XKR4: variants seen among roughly 807,000 people sequenced by gnomAD.
The protein encoded by XKR4 is XK related 4.
In XKR4, 12 loss-of-function variants were observed where a neutral mutation model predicts 53.9. The observed-to-expected ratio is 0.22, with a 90% CI of 0.14 to 0.36. The LOEUF is 0.36. Ranked by LOEUF, XKR4 falls within the 10% of genes least tolerant of loss-of-function variation. XKR4 has a pLI of 1.00. For missense variants in XKR4, 799 were observed against 859.5 expected, an observed-to-expected ratio of 0.93 and a Z score of 0.88; for synonymous variants, 354 against 362.4, an observed-to-expected ratio of 0.98 and a Z score of 0.26.
At chr8:55,147,214 G>A (rs1283408534) in intron 1 of XKR4, among the ~76,000 whole-genome samples, 1 of 152,084 alleles carries the variant, frequency 6.6e-6, no homozygotes, top group Admixed American at 6.5e-5. Context: ...CATGTGCTGT[G>A]ACTCAAACAA....
rs1013427399 is a variant in XKR4 at position 55,478,035 on chromosome 8, G to A, written c.1007-45246G>A. Among the ~76,000 whole-genome samples the A allele has an allele frequency of 1.4e-4, 21 of 152,186 alleles. No individual in the cohort carries two copies. The East Asian group carries it at 4.1e-3, about 29-fold the overall frequency. Reference sequence around the variant, plus strand: ...ATCTAGCAAGGCAGGTCAACATTCAGATTCAGAAAATACAGAGAACGCCAC... The same window carrying A: ...ATCTAGCAAGGCAGGTCAACATTCAAATTCAGAAAATACAGAGAACGCCAC... On this transcript the variant is annotated intron_variant, in intron 2 of 2. Coordinates refer to ENST00000327381, the MANE Select transcript of XKR4 (RefSeq NM_052898.2).
At chr8:55,442,828 C>G (rs980293972) in intron 2 of XKR4, among the ~76,000 whole-genome samples, 1 of 151,988 alleles carries the variant, frequency 6.6e-6, no homozygotes, top group Admixed American at 6.6e-5. Flanking sequence ...GAGAAAGAGG[C>G]GTGGGGAGTG....
chr8:55,209,725 C>T (rs570120595), intron 1 of XKR4, among the ~76,000 whole-genome samples: 8 of 152,314 alleles, frequency 5.3e-5, no homozygotes, highest in Admixed American at 4.6e-4. Flanking sequence ...CTCATCTGCT[C>T]TGCCGGCCAG....
chr8:55,415,742 A>G (rs1227190011), intron 2 of XKR4, among the ~76,000 whole-genome samples: 1 of 152,222 alleles, frequency 6.6e-6, no homozygotes, highest in Admixed American at 6.5e-5. Flanking sequence ...AGGGTGAAAA[A>G]TACATAGATT....
chr8:55,131,228 A>G (rs1585894627), intron 1 of XKR4, among the ~76,000 whole-genome samples: 1 of 152,048 alleles, frequency 6.6e-6, no homozygotes, highest in East Asian at 1.9e-4. Context: ...TTACATCACA[A>G]TCAGATTTTG....
At chr8:55,394,209 C>A (rs1441028482) in intron 2 of XKR4, among the ~76,000 whole-genome samples, 12 of 152,146 alleles carry the variant, frequency 7.9e-5, no homozygotes, top group Non-Finnish European at 1.5e-5. Flanking sequence ...CATTCAGTCT[C>A]TCTTGGATAT....
At chr8:55,438,045 A>G (rs1805203463) in intron 2 of XKR4, among the ~76,000 whole-genome samples, 2 of 152,208 alleles carry the variant, frequency 1.3e-5, no homozygotes, top group African/African-American at 4.8e-5. Context: ...AGGTTCTGGA[A>G]GCAATCATGA....
At position 55,539,271 on chromosome 8, in the gene XKR4, C is replaced by T. The variant is rs986607135; in HGVS notation, c.*15044C>T. 6.6e-6 allele frequency: 1 copy of T among 152,088 alleles called. No individual in the cohort carries two copies. Among genetic ancestry groups the T allele is most frequent in the Admixed American group, 6.5e-5 (1 of 15,268 alleles). 9.4% of individuals were successfully genotyped at this position (152,088 alleles called of 1,614,324 possible). A position where few individuals can be genotyped will look rare whatever the true frequency, so the allele number is the denominator to read the frequency against. On this transcript the variant is annotated 3_prime_UTR_variant, in exon 3 of 3. Transcript: ENST00000327381. Reference sequence around the variant, plus strand: ...GTTTTCATGATATGGCTTCATGAGGCAAAGTTGTTGTACATCAATATTATC... The same window carrying T: ...GTTTTCATGATATGGCTTCATGAGGTAAAGTTGTTGTACATCAATATTATC...
At position 55,524,294 on chromosome 8, in the gene XKR4, G is replaced by A. The variant is rs985606023; in HGVS notation, c.*67G>A. On this transcript the variant is annotated 3_prime_UTR_variant, in exon 3 of 3. Transcript: ENST00000327381. ...GTGACAGCAGGGCTGTGGCCATAAT[G>A]ACACTTCATCCTAGAGCAGGGCAGT... The A allele has an allele frequency of 5.5e-6, 8 of 1,464,678 alleles. No individual in the cohort carries two copies. Among genetic ancestry groups the A allele is most frequent in the Middle Eastern group, 1.8e-4 (1 of 5,636 alleles). The allele number at this position is 1,464,678 out of a possible 1,614,324, so 90.7% of individuals were successfully genotyped here. A position where few individuals can be genotyped will look rare whatever the true frequency, so the allele number is the denominator to read the frequency against.
chr8:55,395,984 A>C (rs1474146789), intron 2 of XKR4, among the ~76,000 whole-genome samples: 2 of 152,158 alleles, frequency 1.3e-5, no homozygotes, highest in Non-Finnish European at 2.9e-5. Context: ...ATATCCTCAC[A>C]TGGAGGAGAG....
chr8:55,393,172 G>A (rs1451139465), intron 2 of XKR4, among the ~76,000 whole-genome samples: 7 of 152,000 alleles, frequency 4.6e-5, no homozygotes, highest in Admixed American at 6.6e-5. Flanking sequence ...GACTGTCTTC[G>A]AATCATAAAA....
chr8:55,127,787 G>A (rs1170098540), intron 1 of XKR4, among the ~76,000 whole-genome samples: 3 of 139,202 alleles, frequency 2.2e-5, no homozygotes, highest in Admixed American at 8.1e-5. Context: ...GTGTCCATGT[G>A]TTCTCATTGT....
chr8:55,148,216 A>G (rs1284688969), intron 1 of XKR4, among the ~76,000 whole-genome samples: 1 of 152,126 alleles, frequency 6.6e-6, no homozygotes, highest in Non-Finnish European at 1.5e-5. Flanking sequence ...TCCAGCCTGG[A>G]CAACATGGTG....
intron 1 of XKR4, among the ~76,000 whole-genome samples, chr8:55,191,281 C>A (rs1468902817): frequency 1.3e-5 from 2 of 152,282 alleles, no homozygotes; most frequent in East Asian, 3.9e-4. Context: ...AATCGTGCAA[C>A]CATCTTGAAA....
At chr8:55,305,536 C>A (rs116212199) in intron 1 of XKR4, among the ~76,000 whole-genome samples, 1 of 152,154 alleles carries the variant, frequency 6.6e-6, no homozygotes, top group Non-Finnish European at 1.5e-5. Context: ...CAAGTTCATA[C>A]GTGCCTTGAG....
At chr8:55,430,975 G>A (rs1456167468) in intron 2 of XKR4, among the ~76,000 whole-genome samples, 1 of 152,176 alleles carries the variant, frequency 6.6e-6, no homozygotes, top group Non-Finnish European at 1.5e-5. Context: ...GTTCAATTCA[G>A]CCCCTAGCAG....
intron 2 of XKR4, among the ~76,000 whole-genome samples, chr8:55,518,391 T>C: frequency 6.6e-6 from 1 of 152,202 alleles, no homozygotes; most frequent in Admixed American, 6.5e-5. Flanking sequence ...TCCTTCCTTC[T>C]TTTCCCTCTA....
chr8:55,280,826 A>G (rs1818835915), intron 1 of XKR4, among the ~76,000 whole-genome samples: 2 of 152,232 alleles, frequency 1.3e-5, no homozygotes, highest in Non-Finnish European at 2.9e-5. Flanking sequence ...TGCCCATTCT[A>G]TACGTTAAAA....
At chr8:55,239,874 C>G (rs1818184856) in intron 1 of XKR4, among the ~76,000 whole-genome samples, 1 of 152,170 alleles carries the variant, frequency 6.6e-6, no homozygotes, top group Non-Finnish European at 1.5e-5. Context: ...AGAAGGAGAA[C>G]TCTTGCAAAC....
Sources: allele counts gnomAD v4.1 joint callset (sites outside exome capture counted in the v4.1 genomes callset), GRCh38; gene constraint gnomAD v4.1.1; transcripts MANE v1.5; gene names NCBI Gene and HGNC (gene_info 2026-07-23, HGNC 2026-07-21).